Variants in FSTL4 observed in about 807,000 individuals in gnomAD.
FSTL4 encodes follistatin-related protein 4.
Under a neutral mutation model 78.2 loss-of-function variants are expected in FSTL4, and 28 were observed. The observed-to-expected ratio is 0.36, with a 90% CI of 0.27 to 0.49. The LOEUF is 0.49. Among genes scored for constraint, FSTL4 ranks in the 20% least tolerant of loss-of-function variants. The pLI, the probability that FSTL4 is intolerant of heterozygous loss-of-function variation, is 0.98. For missense variants in FSTL4, 922 were observed against 1,084.9 expected, an observed-to-expected ratio of 0.85 and a Z score of 2.11; for synonymous variants, 422 against 440.5, an observed-to-expected ratio of 0.96 and a Z score of 0.53.
chr5:133,225,273 C>T lies in FSTL4; in HGVS notation c.1189G>A (p.Glu397Lys), dbSNP rs551486579. Residue 397 changes from glutamate to lysine, a missense_variant, in exon 10 of 16, where the codon GAA (glutamate) becomes AAA (lysine). Transcript: ENST00000265342. This position sits in a 1 kb window ranked among gnomAD's most constrained non-coding sequence, Gnocchi z 4.6. The part of the protein sequence containing the change: ...KQLSLLANGS[E>K]LHISSVRYED... Reference sequence around the variant, plus strand: ...TACCGAACACTGCTGATGTGGAGTTCGCTCCCATTGGCTGCAGACAGGACA... The same window carrying T: ...TACCGAACACTGCTGATGTGGAGTTTGCTCCCATTGGCTGCAGACAGGACA... 13 of 1,614,076 alleles carry T rather than the reference C, an allele frequency of 8.1e-6. No homozygotes were observed. Among genetic ancestry groups the T allele is most frequent in the South Asian group, 2.2e-5 (2 of 91,088 alleles).
In FSTL4 at chr5:133,249,550, C is replaced by T. The variant is rs138802581; in HGVS notation, c.754G>A (p.Glu252Lys). The T allele has an allele frequency of 6.6e-5, 106 of 1,612,934 alleles. No homozygotes were observed. The highest frequency in any genetic ancestry group is 7.5e-5 in the Non-Finnish European group (88 of 1,179,414). ...ACTGTGGTCACACTGACCCTGTCCT[C>T]GGGGGCGAGGCTGAGCTGAACCACT... ...FQVVQLSLAP[E>K]DRVSVTTVTV... The change falls in exon 7 of 16, where the codon GAG (glutamate) becomes AAG (lysine). Residue 252 changes from glutamate to lysine, a missense_variant. Coordinates refer to ENST00000265342, the MANE Select transcript of FSTL4 (RefSeq NM_015082.2).
chr5:133,684,218 C>A, the FSTL4 span, among the ~76,000 whole-genome samples: 1 of 152,158 alleles, frequency 6.6e-6, no homozygotes, highest in African/African-American at 2.4e-5. Context: ...GACGGGTAAG[C>A]AAAAGATAGC....
chr5:133,506,712 A>C (rs1758618845), intron 3 of FSTL4, among the ~76,000 whole-genome samples: 1 of 152,210 alleles, frequency 6.6e-6, no homozygotes, highest in Non-Finnish European at 1.5e-5. Context: ...CACAAACAAA[A>C]GTGAGAATTA....
chr5:133,797,673 A>G, the FSTL4 span, among the ~76,000 whole-genome samples: 1 of 151,994 alleles, frequency 6.6e-6, no homozygotes, highest in Non-Finnish European at 1.5e-5. Context: ...GGTGCTTAGG[A>G]TTCCATTTTT....
chr5:133,491,695 C>T (rs1049215979), intron 3 of FSTL4, among the ~76,000 whole-genome samples: 1 of 152,118 alleles, frequency 6.6e-6, no homozygotes, highest in Non-Finnish European at 1.5e-5. Flanking sequence ...AGCCACTGCG[C>T]CTGGCCTAAT....
chr5:133,522,411 A>G (rs1758999292), intron 3 of FSTL4, among the ~76,000 whole-genome samples: 3 of 152,222 alleles, frequency 2.0e-5, no homozygotes, highest in Non-Finnish European at 2.9e-5. Flanking sequence ...TCTCTTGGGC[A>G]TTGGGATTTA....
At chr5:133,481,926 G>T (rs1387675398) in intron 3 of FSTL4, among the ~76,000 whole-genome samples, 1 of 152,204 alleles carries the variant, frequency 6.6e-6, no homozygotes, top group African/African-American at 2.4e-5. Flanking sequence ...ATGAGAATAG[G>T]CAGAAAGTGC....
At chr5:133,497,448 G>GCT (rs1463648629) in intron 3 of FSTL4, among the ~76,000 whole-genome samples, 7 of 152,222 alleles carry the variant, frequency 4.6e-5, no homozygotes, top group African/African-American at 1.7e-4. Context: ...TAGCTGCTGA[G>GCT]AGTATTTTTG....
rs1754507644 is a variant in FSTL4, at chr5:133,338,237, A to T, written c.410-21585T>A. On this transcript the variant is annotated intron_variant, in intron 4 of 15. Coordinates refer to ENST00000265342, the MANE Select transcript of FSTL4 (RefSeq NM_015082.2). This position sits in a 1 kb window ranked among gnomAD's most constrained non-coding sequence, Gnocchi z 4.0. ...GATGACCCCCCGGGTGTGTGCCCCT[A>T]TTCCTGTCTGCTCCATGCTTAGAGG... 6.6e-6 allele frequency among the ~76,000 whole-genome samples: 1 copy of T among 151,970 alleles called. No individual in the cohort carries two copies. Among genetic ancestry groups the T allele is most frequent in the South Asian group, 2.1e-4 (1 of 4,814 alleles).
At chr5:133,591,298 C>G (rs1269096912) in intron 2 of FSTL4, among the ~76,000 whole-genome samples, 1 of 152,158 alleles carries the variant, frequency 6.6e-6, no homozygotes, top group Admixed American at 6.5e-5. Flanking sequence ...GGCAGGCAAA[C>G]AAAGCAGGGG....
At chr5:133,638,501 C>T in the FSTL4 span, among the ~76,000 whole-genome samples, 1 of 152,128 alleles carries the variant, frequency 6.6e-6, no homozygotes, top group East Asian at 1.9e-4. Context: ...CCTTGCTATT[C>T]CCAGGATACT....
At chr5:133,424,703 TA>T (rs1424199300) in intron 3 of FSTL4, among the ~76,000 whole-genome samples, 3 of 152,222 alleles carry the variant, frequency 2.0e-5, no homozygotes, top group African/African-American at 7.2e-5. Context: ...ATGTGGTCAC[TA>T]GGCAGCATTC....
intron 4 of FSTL4, among the ~76,000 whole-genome samples, chr5:133,319,492 G>C (rs1019341019): frequency 1.8e-4 from 28 of 152,230 alleles, no homozygotes; most frequent in African/African-American, 6.3e-4. Context: ...GCAGAGGGAA[G>C]AGCAGGCCAG....
chr5:133,374,939 C>G (rs1755394688), intron 4 of FSTL4, among the ~76,000 whole-genome samples: 1 of 152,124 alleles, frequency 6.6e-6, no homozygotes, highest in Non-Finnish European at 1.5e-5. Context: ...TTCAACAACT[C>G]AGGCCTATGA....
At chr5:133,439,498 A>G (rs532851202) in intron 3 of FSTL4, among the ~76,000 whole-genome samples, 12 of 152,298 alleles carry the variant, frequency 7.9e-5, no homozygotes, top group African/African-American at 2.9e-4. Flanking sequence ...TTCTACCGCT[A>G]AAAAGAAACA....
intron 6 of FSTL4, among the ~76,000 whole-genome samples, chr5:133,278,445 C>A (rs1752936929): frequency 6.6e-6 from 1 of 152,252 alleles, no homozygotes; most frequent in South Asian, 2.1e-4. Context: ...CCCAGCAGGG[C>A]TCTGTCTGTG....
the FSTL4 span, among the ~76,000 whole-genome samples, chr5:133,818,134 G>A: frequency 2.0e-5 from 3 of 152,206 alleles, no homozygotes; most frequent in Non-Finnish European, 2.9e-5. Context: ...TTTAGGGAAC[G>A]TGAGCACGGG....
chr5:133,763,975 G>A, the FSTL4 span, among the ~76,000 whole-genome samples: 11 of 152,020 alleles, frequency 7.2e-5, no homozygotes, highest in East Asian at 1.9e-4. Context: ...ACAGAGAGTC[G>A]CTTCAGAAGT....
the FSTL4 span, among the ~76,000 whole-genome samples, chr5:133,701,112 C>G: frequency 6.6e-6 from 1 of 152,088 alleles, no homozygotes; most frequent in Non-Finnish European, 1.5e-5. Flanking sequence ...AATAGAAAAA[C>G]CAGGTGAGAG....
Sources: gnomAD v4.1 joint callset for allele counts (sites outside exome capture counted in the v4.1 genomes callset) on GRCh38, gnomAD v4.1.1 for gene constraint, Gnocchi (gnomAD v3.1) non-coding constraint, MANE v1.5 for transcripts, NCBI Gene and HGNC (gene_info 2026-07-23, HGNC 2026-07-21) for gene names.